Variants in CIAO2A observed in about 807,000 individuals in gnomAD.
CIAO2A encodes MIP18 family protein FAM96A.
A neutral mutation model predicts 22.4 loss-of-function variants in CIAO2A; 17 were observed. The ratio of observed to expected loss-of-function variants is 0.76; its 90% confidence interval spans 0.52 to 1.14. The LOEUF is 1.14. CIAO2A is among the 50% of genes most tolerant of loss of function. The probability of loss-of-function intolerance (pLI) is 0.00; values close to 1 mark genes in which losing one functional copy is unlikely to be tolerated. For missense variants in CIAO2A, 192 were observed against 191.4 expected (o/e 1.00, Z -0.02); for synonymous variants, 74 against 72.3 (o/e 1.02, Z -0.12).
At position 64,089,022 on chromosome 15, in the gene CIAO2A, T is replaced by C. The variant is rs534233003; in HGVS notation, c.125-171A>G. On this transcript the variant is annotated intron_variant, in intron 1 of 4. Transcript: ENST00000300030. ...ACTACTGGTTTCCTCTTGAGAAAAC[T>C]GTTTTCTTGGATTATTATAAGACCA... 1.3e-5 allele frequency among the ~76,000 whole-genome samples: 2 copies of C among 152,354 alleles called. 1 individual carries two copies. The highest frequency in any genetic ancestry group is 4.1e-4 in the South Asian group (2 of 4,830).
chr15:64,081,821 G>A (rs1412166600), intron 2 of CIAO2A, among the ~76,000 whole-genome samples: 1 of 152,046 alleles, frequency 6.6e-6, no homozygotes, highest in Non-Finnish European at 1.5e-5. Flanking sequence ...TTACAGGCAT[G>A]AGCCACCCCA....
chr15:64,093,605 A>T lies in CIAO2A; in HGVS notation c.124+40T>A, dbSNP rs773044773. The stretch of plus-strand genomic sequence containing the variant: ...CCCGCACCCCTCAGCTCCGGCCTGC[A>T]CCTATAACGCCAAATGCTGTGCTGG... On this transcript the variant is annotated intron_variant, in intron 1 of 4. Coordinates refer to ENST00000300030, the MANE Select transcript of CIAO2A (RefSeq NM_032231.7). 7 of 1,592,342 alleles carry T rather than the reference A, an allele frequency of 4.4e-6. 1 individual carries two copies. Among genetic ancestry groups the T allele is most frequent in the East Asian group, 2.3e-5 (1 of 44,358 alleles).
chr15:64,081,045 A>G, intron 3 of CIAO2A, 57 bp downstream of exon 3: 4 of 1,528,882 alleles, frequency 2.6e-6, no homozygotes, highest in South Asian at 1.1e-5. Context: ...TATGTGAATT[A>G]TATCTCAACA....
intron 3 of CIAO2A, among the ~76,000 whole-genome samples, chr15:64,076,941 AG>A (rs1439217496): frequency 2.6e-5 from 4 of 152,036 alleles, no homozygotes; most frequent in African/African-American, 9.7e-5. Context: ...CCTGAGGTTA[AG>A]TGATCCGCCC....
At chr15:64,077,274 G>A (rs2140105953) in intron 3 of CIAO2A, among the ~76,000 whole-genome samples, 1 of 152,000 alleles carries the variant, frequency 6.6e-6, no homozygotes, top group South Asian at 2.1e-4. Flanking sequence ...CTCCAGCCTG[G>A]GTGACAGAGC....
chr15:64,087,084 C>CTTTTTTTTTTTTTTT (rs766247330), intron 2 of CIAO2A, among the ~76,000 whole-genome samples: 1 of 76,062 alleles, frequency 1.3e-5, no homozygotes, highest in Non-Finnish European at 2.4e-5. Flanking sequence ...GCTAATTTTG[C>CTTTTTTTTTTTTTTT]TTTTTTTTTT....
chr15:64,085,870 A>G (rs199872192), intron 2 of CIAO2A, among the ~76,000 whole-genome samples: 1 of 151,616 alleles, frequency 6.6e-6, no homozygotes, highest in African/African-American at 2.4e-5. Flanking sequence ...CACCACGCCC[A>G]GCTAATTTTT....
chr15:64,091,895 C>CA (rs1174586543), intron 1 of CIAO2A, among the ~76,000 whole-genome samples: 11 of 151,314 alleles, frequency 7.3e-5, no homozygotes, highest in African/African-American at 1.7e-4. Flanking sequence ...CTCATCTCTA[C>CA]AAAAAAATAC....
rs575157353 is a variant in CIAO2A at position 64,076,897 on chromosome 15, C to G, written c.340-1360G>C. Among the ~76,000 whole-genome samples the G allele has an allele frequency of 5.9e-5, 9 of 152,022 alleles. No individual in the cohort carries two copies. In the South Asian group the frequency reaches 1.5e-3, roughly 25 times the overall value. ...CGTCTCTATTTTTTTGTAGAGACCG[C>G]GTATCGCCATATTGCCCAAGCTGGT... On this transcript the variant is annotated intron_variant, in intron 3 of 4. Transcript: ENST00000300030.
At chr15:64,079,874 A>G (rs369976) in intron 3 of CIAO2A, among the ~76,000 whole-genome samples, 147,050 of 152,308 alleles carry the variant, frequency 0.97, 71,158 homozygotes, top group East Asian at 1. Context: ...AAGTGAAAAG[A>G]CAACACACAG....
intron 3 of CIAO2A, 26 bp from the exon 4 acceptor site, chr15:64,075,563 G>GA: frequency 6.7e-7 from 1 of 1,501,256 alleles, no homozygotes; most frequent in Non-Finnish European, 9.2e-7. Flanking sequence ...AAAAGTAAAA[G>GA]AAAAAACATT....
At chr15:64,073,554 C>A (rs910353683) in intron 4 of CIAO2A, among the ~76,000 whole-genome samples, 3 of 152,128 alleles carry the variant, frequency 2.0e-5, no homozygotes, top group Non-Finnish European at 4.4e-5. Flanking sequence ...ATTGTCAACA[C>A]CAATACATGA....
intron 3 of CIAO2A, among the ~76,000 whole-genome samples, chr15:64,078,227 A>G (rs911459353): frequency 6.6e-6 from 1 of 152,236 alleles, no homozygotes; most frequent in Admixed American, 6.5e-5. Context: ...AACCACTAGT[A>G]TAATAATTTA....
intron 1 of CIAO2A, among the ~76,000 whole-genome samples, chr15:64,092,878 T>C (rs1017106085): frequency 6.6e-6 from 1 of 152,258 alleles, no homozygotes; most frequent in Non-Finnish European, 1.5e-5. Context: ...CAAAAAGTTG[T>C]AAGGCAATTG....
At chr15:64,083,662 G>T (rs144970487) in intron 2 of CIAO2A, among the ~76,000 whole-genome samples, 162 of 152,294 alleles carry the variant, frequency 1.1e-3, no homozygotes, top group African/African-American at 3.6e-3. Context: ...AAACCAATAG[G>T]CCGGGTGTGG....
chr15:64,090,539 G>T (rs3848142), intron 1 of CIAO2A, among the ~76,000 whole-genome samples: 86,409 of 152,036 alleles, frequency 0.57, 28,200 homozygotes, highest in East Asian at 0.82. Flanking sequence ...TTAGGGATCA[G>T]AATGAGAAAC....
intron 2 of CIAO2A, among the ~76,000 whole-genome samples, chr15:64,082,166 C>A (rs967544505): frequency 6.6e-6 from 1 of 152,144 alleles, no homozygotes; most frequent in African/African-American, 2.4e-5. Flanking sequence ...TTTGAAAAAT[C>A]CCAAAACAGG....
At chr15:64,073,322 T>C (rs568979864) in intron 4 of CIAO2A, among the ~76,000 whole-genome samples, 241 of 152,274 alleles carry the variant, frequency 1.6e-3, no homozygotes, top group African/African-American at 5.6e-3. Flanking sequence ...TGCTATTTTT[T>C]CCCCCATAAG....
At chr15:64,077,147 C>A (rs2140105850) in intron 3 of CIAO2A, among the ~76,000 whole-genome samples, 1 of 152,206 alleles carries the variant, frequency 6.6e-6, no homozygotes, top group African/African-American at 2.4e-5. Flanking sequence ...CCCAACTCTA[C>A]TAAAAATACA....
Sources: allele counts gnomAD v4.1 joint callset (sites outside exome capture counted in the v4.1 genomes callset), GRCh38; gene constraint gnomAD v4.1.1; transcripts MANE v1.5; gene names NCBI Gene and HGNC (gene_info 2026-07-23, HGNC 2026-07-21).